PABPC4L: variants seen among roughly 807,000 people sequenced by gnomAD.
The protein encoded by PABPC4L is polyadenylate-binding protein 4-like.
For synonymous variants in PABPC4L, 169 were observed against 164.1 expected, an observed-to-expected ratio of 1.03 and a Z score of -0.23; for missense variants, 452 against 451.4, an observed-to-expected ratio of 1.00 and a Z score of -0.01.
the PABPC4L span, among the ~76,000 whole-genome samples, chr4:134,027,775 C>A: frequency 2.0e-5 from 3 of 152,016 alleles, no homozygotes; most frequent in Non-Finnish European, 4.4e-5. Context: ...TAAGTTTATA[C>A]AATTACAAAT....
the PABPC4L span, among the ~76,000 whole-genome samples, chr4:134,165,192 C>T: frequency 6.6e-6 from 1 of 152,044 alleles, no homozygotes; most frequent in East Asian, 1.9e-4. Context: ...TAAAAGAAAA[C>T]CTAGGATAAA....
At chr4:134,108,066 G>T in the PABPC4L span, among the ~76,000 whole-genome samples, 1 of 151,388 alleles carries the variant, frequency 6.6e-6, no homozygotes, top group African/African-American at 2.4e-5. Context: ...CCATTAAAAA[G>T]TAAATAATAA....
the PABPC4L span, among the ~76,000 whole-genome samples, chr4:134,034,813 T>A: frequency 6.6e-6 from 1 of 151,998 alleles, no homozygotes; most frequent in Admixed American, 6.6e-5. Flanking sequence ...CTACTGGTGA[T>A]CATGATGTGA....
chr4:134,005,345 A>T, the PABPC4L span, among the ~76,000 whole-genome samples: 3 of 151,880 alleles, frequency 2.0e-5, no homozygotes, highest in African/African-American at 7.2e-5. Flanking sequence ...ACCTTTGCAT[A>T]TAATAATGAG....
At chr4:134,156,530 A>G in the PABPC4L span, among the ~76,000 whole-genome samples, 2 of 151,908 alleles carry the variant, frequency 1.3e-5, no homozygotes, top group Non-Finnish European at 2.9e-5. Flanking sequence ...GATGCACGGA[A>G]AAAAATAATA....
the PABPC4L span, among the ~76,000 whole-genome samples, chr4:134,185,726 G>T: frequency 2.6e-5 from 4 of 152,086 alleles, no homozygotes; most frequent in African/African-American, 9.7e-5. Flanking sequence ...GTTTCAGTTA[G>T]GAAAAGAGGA....
chr4:134,120,459 A>G, the PABPC4L span, among the ~76,000 whole-genome samples: 13 of 150,134 alleles, frequency 8.7e-5, no homozygotes, highest in East Asian at 2.5e-3. Flanking sequence ...TTTATATATT[A>G]TAATGTTCTT....
the PABPC4L span, among the ~76,000 whole-genome samples, chr4:134,017,755 G>A: frequency 2.0e-5 from 3 of 151,840 alleles, no homozygotes; most frequent in African/African-American, 2.4e-5. Flanking sequence ...TATGACAAAT[G>A]TTTCTTCTAA....
the PABPC4L span, among the ~76,000 whole-genome samples, chr4:134,003,587 AC>A: frequency 6.6e-6 from 1 of 151,974 alleles, no homozygotes; most frequent in Non-Finnish European, 1.5e-5. Context: ...ATAATTTATT[AC>A]TTTATTAAAA....
At chr4:133,996,934 A>T in the PABPC4L span, among the ~76,000 whole-genome samples, 1 of 152,198 alleles carries the variant, frequency 6.6e-6, no homozygotes, top group Admixed American at 6.5e-5. Flanking sequence ...ACAAAAGTAA[A>T]CAAATGTAGA....
chr4:134,073,072 T>C, the PABPC4L span, among the ~76,000 whole-genome samples: 1 of 152,102 alleles, frequency 6.6e-6, no homozygotes, highest in Non-Finnish European at 1.5e-5. Context: ...TAAAACACAA[T>C]CTGGTACTTC....
chr4:133,954,224 A>G, the PABPC4L span, among the ~76,000 whole-genome samples: 30,160 of 152,108 alleles, frequency 0.2, 3,329 homozygotes, highest in Middle Eastern at 0.26. Context: ...TTTGGGAGAC[A>G]TATGTCGGGG....
chr4:134,098,542 T>C, the PABPC4L span, among the ~76,000 whole-genome samples: 3 of 151,794 alleles, frequency 2.0e-5, no homozygotes, highest in East Asian at 5.8e-4. Context: ...TATATTTGAG[T>C]TACTGATTTA....
chr4:134,116,725 A>G, the PABPC4L span, among the ~76,000 whole-genome samples: 10 of 151,770 alleles, frequency 6.6e-5, no homozygotes, highest in African/African-American at 2.2e-4. Flanking sequence ...ATTAAGATGT[A>G]TAAATTTATG....
At chr4:134,061,362 G>A in the PABPC4L span, among the ~76,000 whole-genome samples, 31 of 151,820 alleles carry the variant, frequency 2.0e-4, no homozygotes, top group African/African-American at 5.6e-4. Context: ...ATGACCCACC[G>A]AATTAAAGAT....
the PABPC4L span, among the ~76,000 whole-genome samples, chr4:133,974,107 AG>A: frequency 6.6e-6 from 1 of 152,202 alleles, no homozygotes; most frequent in African/African-American, 2.4e-5. Flanking sequence ...TGATTTCAAA[AG>A]TTGCTACAAA....
At chr4:134,101,599 T>C in the PABPC4L span, among the ~76,000 whole-genome samples, 1 of 151,492 alleles carries the variant, frequency 6.6e-6, no homozygotes, top group Non-Finnish European at 1.5e-5. Context: ...CATAAATTGT[T>C]TATTTCTATT....
chr4:134,166,418 A>T, the PABPC4L span, among the ~76,000 whole-genome samples: 2 of 152,328 alleles, frequency 1.3e-5, no homozygotes, highest in Middle Eastern at 6.8e-3. Context: ...CCCCATCTTG[A>T]CCAGTTCTCA....
the PABPC4L span, among the ~76,000 whole-genome samples, chr4:134,157,260 T>G: frequency 6.6e-6 from 1 of 150,814 alleles, no homozygotes; most frequent in African/African-American, 2.5e-5. Context: ...CACAGAATGC[T>G]CTTAGTTTTT....
Sources: gnomAD v4.1 joint callset for allele counts (sites outside exome capture counted in the v4.1 genomes callset) on GRCh38, gnomAD v4.1.1 for gene constraint, MANE v1.5 for transcripts, NCBI Gene and HGNC (gene_info 2026-07-23, HGNC 2026-07-21) for gene names.